Variants in ITFG1 observed in about 807,000 individuals in gnomAD.
ITFG1 encodes the protein T-cell immunomodulatory protein.
In ITFG1, 34 loss-of-function variants were observed where a neutral mutation model predicts 81.8. That is an observed-to-expected ratio of 0.42 (90% confidence interval 0.32 to 0.55). The LOEUF is 0.55. Ranked by LOEUF, ITFG1 falls within the 20% of genes least tolerant of loss-of-function variation. The pLI is 0.17. For synonymous variants in ITFG1, 285 were observed against 270.6 expected (o/e 1.05, Z -0.52); for missense variants, 672 against 755.4 (o/e 0.89, Z 1.29).
chr16:47,176,402 G>A (rs913163686), intron 14 of ITFG1, among the ~76,000 whole-genome samples: 9 of 152,238 alleles, frequency 5.9e-5, no homozygotes, highest in Middle Eastern at 3.4e-3. Flanking sequence ...TTTGGAGAAC[G>A]GCAAGCTGGA....
intron 1 of ITFG1, among the ~76,000 whole-genome samples, chr16:47,460,622 G>A (rs1969520847): frequency 6.6e-6 from 1 of 152,182 alleles, no homozygotes; most frequent in Non-Finnish European, 1.5e-5. Flanking sequence ...CAGGGCTTTT[G>A]AGGGTAGGTC....
chr16:47,241,737 C>T (rs1269165856), intron 12 of ITFG1, among the ~76,000 whole-genome samples: 3 of 152,024 alleles, frequency 2.0e-5, no homozygotes, highest in African/African-American at 4.8e-5. Context: ...AGGCGGATCA[C>T]GAGGTCAGGA....
intron 10 of ITFG1, among the ~76,000 whole-genome samples, chr16:47,299,064 G>GTC (rs926592051): frequency 6.6e-6 from 1 of 152,236 alleles, no homozygotes; most frequent in Non-Finnish European, 1.5e-5. Flanking sequence ...ATCTGCTGAG[G>GTC]TCTCCGCTTG....
chr16:47,299,324 A>T lies in ITFG1; in HGVS notation c.1070+11916T>A, dbSNP rs112380847. On this transcript the variant is annotated intron_variant, in intron 10 of 17. Coordinates refer to ENST00000320640, the MANE Select transcript of ITFG1 (RefSeq NM_030790.5). ...AGCTGCAGTGGTGGTGTTACAGTTAAGGCTTGACCTTTGTTAACTTGGTGA... is the reference window on the plus strand; with the variant it reads ...AGCTGCAGTGGTGGTGTTACAGTTATGGCTTGACCTTTGTTAACTTGGTGA... 2.6e-3 allele frequency: 399 copies of T among 152,702 alleles called. 4 individuals carry two copies. The highest frequency in any genetic ancestry group is 9.1e-3 in the African/African-American group (376 of 41,530). 9.5% of individuals were successfully genotyped at this position (152,702 alleles called of 1,614,324 possible).
At chr16:47,431,937 AC>A (rs1405844541) in intron 5 of ITFG1, among the ~76,000 whole-genome samples, 20 of 152,146 alleles carry the variant, frequency 1.3e-4, no homozygotes, top group Non-Finnish European at 2.6e-4. Flanking sequence ...CCAAGGCTCT[AC>A]TCAAATCAGC....
intron 12 of ITFG1, among the ~76,000 whole-genome samples, chr16:47,250,235 T>C (rs1025932325): frequency 6.6e-6 from 1 of 152,116 alleles, no homozygotes; most frequent in Non-Finnish European, 1.5e-5. Context: ...TTAATTATTT[T>C]ATTAAATTGT....
chr16:47,315,500 A>G (rs1967339391), intron 8 of ITFG1, among the ~76,000 whole-genome samples: 1 of 152,038 alleles, frequency 6.6e-6, no homozygotes. Flanking sequence ...CCAATGACAA[A>G]ATGCTCATAT....
chr16:47,436,580 T>A (rs1250835736), intron 5 of ITFG1, among the ~76,000 whole-genome samples: 1 of 152,230 alleles, frequency 6.6e-6, no homozygotes, highest in East Asian at 1.9e-4. Context: ...TACAGTCTAC[T>A]CTTACTTTTC....
intron 10 of ITFG1, among the ~76,000 whole-genome samples, chr16:47,275,538 A>G (rs1966389184): frequency 6.6e-6 from 1 of 152,208 alleles, no homozygotes; most frequent in African/African-American, 2.4e-5. Flanking sequence ...ATCCAACTGC[A>G]TGCTTGACAT....
chr16:47,350,564 A>T (rs895885039), intron 8 of ITFG1, among the ~76,000 whole-genome samples: 1 of 152,226 alleles, frequency 6.6e-6, no homozygotes, highest in African/African-American at 2.4e-5. Flanking sequence ...AAATTGAGGC[A>T]ATAATTAATA....
intron 12 of ITFG1, among the ~76,000 whole-genome samples, chr16:47,247,773 T>C (rs1966020244): frequency 6.6e-6 from 1 of 152,200 alleles, no homozygotes; most frequent in African/African-American, 2.4e-5. Flanking sequence ...ATCTATATTG[T>C]TATCTAGTAG....
intron 10 of ITFG1, among the ~76,000 whole-genome samples, chr16:47,285,611 G>T (rs926920595): frequency 6.6e-6 from 1 of 152,130 alleles, no homozygotes; most frequent in Non-Finnish European, 1.5e-5. Flanking sequence ...AGGAGTGTTG[G>T]AACTGAATTA....
intron 6 of ITFG1, among the ~76,000 whole-genome samples, chr16:47,411,501 C>T (rs185220568): frequency 6.6e-6 from 1 of 152,276 alleles, no homozygotes; most frequent in East Asian, 1.9e-4. Context: ...CGGCTGCACA[C>T]TCAGGGAAAT....
intron 13 of ITFG1, among the ~76,000 whole-genome samples, chr16:47,231,040 G>A (rs1394332912): frequency 2.0e-5 from 3 of 152,142 alleles, no homozygotes; most frequent in African/African-American, 4.8e-5. Context: ...GAGCCACCGC[G>A]CCCAGCCCAA....
chr16:47,312,435 G>A (rs753541921), intron 9 of ITFG1, among the ~76,000 whole-genome samples: 3 of 151,802 alleles, frequency 2.0e-5, no homozygotes, highest in Non-Finnish European at 4.4e-5. Context: ...AACAATTTAT[G>A]TATTTTCCAA....
At chr16:47,408,248 A>C (rs962369477) in intron 6 of ITFG1, among the ~76,000 whole-genome samples, 19 of 152,316 alleles carry the variant, frequency 1.2e-4, no homozygotes, top group Admixed American at 3.3e-4. Flanking sequence ...TGATGAATGA[A>C]TGAATGAAAA....
chr16:47,437,224 A>T (rs534079764), intron 5 of ITFG1, among the ~76,000 whole-genome samples: 1 of 152,326 alleles, frequency 6.6e-6, no homozygotes, highest in South Asian at 2.1e-4. Context: ...CCAGCTACTC[A>T]GGAGGCTGAG....
intron 7 of ITFG1, among the ~76,000 whole-genome samples, chr16:47,367,817 T>C (rs1181082912): frequency 6.6e-6 from 1 of 152,186 alleles, no homozygotes; most frequent in African/African-American, 2.4e-5. Context: ...ATAGACATCT[T>C]ATTTAGTAAG....
chr16:47,328,169 T>C (rs879070088), intron 8 of ITFG1, among the ~76,000 whole-genome samples: 1 of 152,104 alleles, frequency 6.6e-6, no homozygotes, highest in East Asian at 1.9e-4. Flanking sequence ...ATGTCCTTTG[T>C]AGGGACATGG....
Sources: allele counts gnomAD v4.1 joint callset (sites outside exome capture counted in the v4.1 genomes callset), GRCh38; gene constraint gnomAD v4.1.1; transcripts MANE v1.5; gene names NCBI Gene and HGNC (gene_info 2026-07-23, HGNC 2026-07-21).